The following RBFOX3 variants were observed in gnomAD, a reference collection of about 807,000 sequenced individuals.
RBFOX3 encodes the protein RNA binding protein fox-1 homolog 3.
RBFOX3 carries 17 observed loss-of-function variants against 48.7 expected under a neutral mutation model. That is an observed-to-expected ratio of 0.35 (90% confidence interval 0.24 to 0.52). The LOEUF (loss-of-function observed/expected upper bound fraction) is 0.52, where lower values mean the gene tolerates loss of function less well. Ranked by LOEUF, RBFOX3 falls within the 20% of genes least tolerant of loss-of-function variation. The pLI is 0.94. For synonymous variants in RBFOX3, 212 were observed against 209.5 expected, an observed-to-expected ratio of 1.01 and a Z score of -0.10; for missense variants, 382 against 497.5, an observed-to-expected ratio of 0.77 and a Z score of 2.21.
intron 4 of RBFOX3, among the ~76,000 whole-genome samples, chr17:79,233,458 T>C (rs758053752): frequency 7.9e-5 from 12 of 152,172 alleles, no homozygotes; most frequent in Non-Finnish European, 1.3e-4. Context: ...TGGGTATACA[T>C]ATATATCAAA....
intron 4 of RBFOX3, among the ~76,000 whole-genome samples, chr17:79,177,219 C>T (rs931359017): frequency 2.6e-5 from 4 of 151,584 alleles, no homozygotes; most frequent in Non-Finnish European, 4.4e-5. Flanking sequence ...TCCCCCCCCG[C>T]CCTCTCCCCA....
chr17:79,614,821 G>A (rs1599295908), upstream of RBFOX3, among the ~76,000 whole-genome samples: 1 of 151,928 alleles, frequency 6.6e-6, no homozygotes, highest in East Asian at 1.9e-4. Flanking sequence ...AAAAGGCAAA[G>A]AGGAGAAAAA....
chr17:79,145,223 G>GC (rs1568220975), intron 4 of RBFOX3, among the ~76,000 whole-genome samples: 1 of 152,186 alleles, frequency 6.6e-6, no homozygotes, highest in African/African-American at 2.4e-5. Context: ...AGGAGCCTGC[G>GC]CACGTCCTAT....
intron 1 of RBFOX3, among the ~76,000 whole-genome samples, chr17:79,574,958 T>C (rs1260040558): frequency 6.6e-6 from 1 of 152,242 alleles, no homozygotes; most frequent in Non-Finnish European, 1.5e-5. Context: ...AACCAGCTCC[T>C]GCGTGATGCC....
intron 1 of RBFOX3, among the ~76,000 whole-genome samples, chr17:79,528,863 C>T (rs1474165633): frequency 6.6e-6 from 1 of 152,176 alleles, no homozygotes; most frequent in Non-Finnish European, 1.5e-5. Context: ...CCCAGCAGCC[C>T]CTCCCATCTC....
intron 1 of RBFOX3, among the ~76,000 whole-genome samples, chr17:79,489,174 C>T (rs1178528078): frequency 8.1e-5 from 12 of 148,978 alleles, no homozygotes; most frequent in Admixed American, 3.4e-4. Flanking sequence ...CCCCAAACTA[C>T]GCCTTTGCTG....
the RBFOX3 span, among the ~76,000 whole-genome samples, chr17:79,627,282 C>T: frequency 6.6e-6 from 1 of 152,206 alleles, no homozygotes; most frequent in Non-Finnish European, 1.5e-5. Context: ...GGTGCATCTT[C>T]AACATAGCTT....
chr17:79,299,095 G>A lies in RBFOX3; in HGVS notation c.-74+8629C>T, dbSNP rs552917183. Among the ~76,000 whole-genome samples the A allele has an allele frequency of 2.2e-4, 34 of 152,100 alleles. No homozygotes were observed. The highest frequency in any genetic ancestry group is 1.0e-3 in the Admixed American group (16 of 15,278). ...CAGATGCGGCTGGCCTCGGAAATAC[G>A]GGAGGGACATGGGAAATGAACTAAT... is the stretch of plus-strand genomic sequence containing the variant. On this transcript the variant is annotated intron_variant, in intron 3 of 14. Transcript: ENST00000693108. The surrounding 1 kb of genome is among the most constrained non-coding windows in gnomAD (Gnocchi z 4.5).
At chr17:79,563,408 G>A (rs2092330309) in intron 1 of RBFOX3, among the ~76,000 whole-genome samples, 1 of 152,194 alleles carries the variant, frequency 6.6e-6, no homozygotes, top group Non-Finnish European at 1.5e-5. Flanking sequence ...ACGCCCCACT[G>A]CCCTCAGCAG....
At position 79,535,191 on chromosome 17, in the gene RBFOX3, T is replaced by TGTAG. The variant is rs2088510904; in HGVS notation, c.-319-52597_-319-52594dup. Reference sequence around the variant, plus strand: ...CTCCTGCCTGCTCTGCTACCCTCAATGTAGGCCTCCCCCTTGGGCTAGAAG... The same window carrying TGTAG: ...CTCCTGCCTGCTCTGCTACCCTCAATGTAGGTAGGCCTCCCCCTTGGGCTAGAAG... On this transcript the variant is annotated intron_variant, in intron 1 of 14. Coordinates refer to ENST00000693108, the MANE Select transcript of RBFOX3 (RefSeq NM_001350451.2). The surrounding 1 kb of genome is among the most constrained non-coding windows in gnomAD (Gnocchi z 4.5). Among the ~76,000 whole-genome samples the TGTAG allele has an allele frequency of 6.6e-6, 1 of 152,138 alleles. No homozygotes were observed. The highest frequency in any genetic ancestry group is 1.5e-5 in the Non-Finnish European group (1 of 68,012).
chr17:79,327,998 TTC>T (rs1309669993), intron 2 of RBFOX3, among the ~76,000 whole-genome samples: 5 of 152,264 alleles, frequency 3.3e-5, no homozygotes, highest in Middle Eastern at 6.8e-3. Flanking sequence ...CTGGCCTTCC[TTC>T]TCTCTCTTAT....
rs973680720 is a variant in RBFOX3, at chr17:79,476,172, C to T, written c.-175+6282G>A. 9.2e-5 allele frequency among the ~76,000 whole-genome samples: 14 copies of T among 152,306 alleles called. No individual in the cohort carries two copies. In the East Asian group the frequency reaches 9.7e-4, roughly 11 times the overall value. The stretch of plus-strand genomic sequence containing the variant: ...GCAGGGCCCTCCCTTCCCGCTCCAG[C>T]GCTGGAACTACATCTGGAAGCTCTT... On this transcript the variant is annotated intron_variant, in intron 2 of 14. Transcript: ENST00000693108.
chr17:79,172,291 C>A (rs935279202), intron 4 of RBFOX3, among the ~76,000 whole-genome samples: 3 of 151,344 alleles, frequency 2.0e-5, no homozygotes, highest in Non-Finnish European at 4.4e-5. Context: ...GGCATTTCAA[C>A]ACAAAAAGTA....
At chr17:79,626,652 G>C in the RBFOX3 span, among the ~76,000 whole-genome samples, 1 of 152,212 alleles carries the variant, frequency 6.6e-6, no homozygotes, top group East Asian at 1.9e-4. Flanking sequence ...CCCACCGATG[G>C]GATATACACA....
chr17:79,657,614 G>C, the RBFOX3 span, among the ~76,000 whole-genome samples: 1 of 152,230 alleles, frequency 6.6e-6, no homozygotes, highest in Admixed American at 6.5e-5. Context: ...GGGAGGCAGA[G>C]GTTGCAGTGA....
At chr17:79,347,004 C>T (rs906614244) in intron 2 of RBFOX3, among the ~76,000 whole-genome samples, 1 of 152,178 alleles carries the variant, frequency 6.6e-6, no homozygotes, top group African/African-American at 2.4e-5. Context: ...GAAAATAATA[C>T]AATTTTTTGT....
chr17:79,574,685 T>C (rs1426317421), intron 1 of RBFOX3, among the ~76,000 whole-genome samples: 2 of 152,220 alleles, frequency 1.3e-5, no homozygotes, highest in Non-Finnish European at 2.9e-5. Context: ...GCTCCGCCTA[T>C]GGAGTAGCCA....
At chr17:79,588,759 C>T (rs1465584023) in intron 1 of RBFOX3, among the ~76,000 whole-genome samples, 53 of 129,946 alleles carry the variant, frequency 4.1e-4, no homozygotes, top group East Asian at 2.6e-3. Context: ...GGCCATATAG[C>T]GAGATCCCGT....
chr17:79,555,592 A>G (rs1356748047), intron 1 of RBFOX3, among the ~76,000 whole-genome samples: 134 of 1,116 alleles, frequency 0.12, no homozygotes, highest in African/African-American at 0.19. Context: ...GATGATGACA[A>G]TGATAATGGT....
Sources: allele counts gnomAD v4.1 joint callset (sites outside exome capture counted in the v4.1 genomes callset), GRCh38; gene constraint gnomAD v4.1.1; non-coding constraint Gnocchi (gnomAD v3.1); transcripts MANE v1.5; gene names NCBI Gene and HGNC (gene_info 2026-07-23, HGNC 2026-07-21).